Variants in UNC13C observed in about 807,000 individuals in gnomAD.
The protein encoded by UNC13C is protein unc-13 homolog C.
A neutral mutation model predicts 245.4 loss-of-function variants in UNC13C; 174 were observed. The observed-to-expected ratio is 0.71, with a 90% CI of 0.63 to 0.80. UNC13C has a LOEUF of 0.80. UNC13C is among the 30% of genes least tolerant of loss of function. The pLI is 0.00. For synonymous variants in UNC13C, 992 were observed against 895.1 expected (o/e 1.11, Z -1.93); for missense variants, 2,829 against 2,602.9 (o/e 1.09, Z -1.89).
intron 7 of UNC13C, among the ~76,000 whole-genome samples, chr15:54,247,146 T>C (rs1055734309): frequency 1.3e-5 from 2 of 152,178 alleles, no homozygotes; most frequent in African/African-American, 4.8e-5. Context: ...GCCCTTAGTG[T>C]TACTTTTCTG....
chr15:54,241,123 G>A (rs1159867253), intron 7 of UNC13C, among the ~76,000 whole-genome samples: 1 of 152,140 alleles, frequency 6.6e-6, no homozygotes, highest in Non-Finnish European at 1.5e-5. Flanking sequence ...CTCAGATGAG[G>A]TTTATGGGAA....
chr15:54,406,112 C>T (rs1397693382), intron 18 of UNC13C, among the ~76,000 whole-genome samples: 1 of 152,028 alleles, frequency 6.6e-6, no homozygotes, highest in East Asian at 1.9e-4. Context: ...CTTTATATGA[C>T]ACGGGAGACT....
chr15:54,358,094 A>G (rs374805753), intron 17 of UNC13C, among the ~76,000 whole-genome samples: 2 of 152,014 alleles, frequency 1.3e-5, no homozygotes, highest in South Asian at 2.1e-4. Context: ...CCCGGTGTAT[A>G]TTCTTTCCAA....
At chr15:54,403,953 G>A (rs970900357) in intron 18 of UNC13C, among the ~76,000 whole-genome samples, 2 of 151,984 alleles carry the variant, frequency 1.3e-5, no homozygotes, top group South Asian at 2.1e-4. Context: ...AATTCGTAAG[G>A]ATGGCTTGTA....
intron 30 of UNC13C, among the ~76,000 whole-genome samples, chr15:54,598,987 TATA>T (rs2141268225): frequency 1.3e-5 from 2 of 152,284 alleles, no homozygotes; most frequent in East Asian, 3.9e-4. Context: ...GGTAAAATAA[TATA>T]ATAAAAAGCT....
intron 27 of UNC13C, 104 bp from the exon 28 acceptor site, chr15:54,549,531 T>G: frequency 1.2e-6 from 1 of 865,082 alleles, no homozygotes; most frequent in Non-Finnish European, 1.8e-6. Context: ...AAGCCATAAG[T>G]CTTATAAGGG....
intron 4 of UNC13C, among the ~76,000 whole-genome samples, chr15:54,183,436 C>A (rs1468024448): frequency 6.6e-6 from 1 of 151,110 alleles, no homozygotes; most frequent in Non-Finnish European, 1.5e-5. Flanking sequence ...CTTGTCTTTG[C>A]AAAGCAAAAG....
At chr15:54,012,058 G>C (rs1442169350) in intron 1 of UNC13C, among the ~76,000 whole-genome samples, 1 of 152,128 alleles carries the variant, frequency 6.6e-6, no homozygotes, top group Non-Finnish European at 1.5e-5. Context: ...ACTAATATGA[G>C]GCCCTGTGCT....
Position 54,567,834 on chromosome 15 carries a change from A to G in UNC13C, c.5993A>G (p.Lys1998Arg), listed in dbSNP as rs2141216823. ...CATGCAGGAGGAAATGGCCTGAAAA[A>G]GAATTTCTTGGAGAAAAGCCCAGAT... is the stretch of plus-strand genomic sequence containing the variant. ...YFHAGGNGLK[K>R]NFLEKSPDLQ... The change falls in exon 30 of 33, where the codon AAG becomes AGG. Residue 1998 changes from lysine (K) to arginine (R), a missense_variant. Lys to Arg is a conservative substitution (Grantham distance 26). Transcript: ENST00000260323. The G allele has an allele frequency of 6.2e-7, 1 of 1,605,398 alleles. No homozygotes were observed. Among genetic ancestry groups the G allele is most frequent in the East Asian group, 2.2e-5 (1 of 44,606 alleles).
intron 2 of UNC13C, among the ~76,000 whole-genome samples, chr15:54,139,432 A>G (rs982374462): frequency 2.6e-5 from 4 of 152,292 alleles, no homozygotes; most frequent in East Asian, 1.9e-4. Flanking sequence ...GTAGGACACA[A>G]TTCAACCCAT....
chr15:54,313,607 A>G (rs2037930584), intron 13 of UNC13C, among the ~76,000 whole-genome samples: 1 of 151,820 alleles, frequency 6.6e-6, no homozygotes, highest in African/African-American at 2.4e-5. Context: ...AAAACTGCAT[A>G]ACCTTTAAAG....
chr15:54,546,709 ATT>A lies in UNC13C; in HGVS notation c.5697-5_5697-4del, dbSNP rs746243767. 652 of 1,369,040 alleles carry A rather than the reference ATT, an allele frequency of 4.8e-4. 1 individual carries two copies. The highest frequency in any genetic ancestry group is 2.1e-3 in the African/African-American group (133 of 63,918). The allele number at this position is 1,369,040 out of a possible 1,614,324, so 84.8% of individuals were successfully genotyped here. On this transcript the variant is annotated splice_polypyrimidine_tract_variant and intron_variant, in intron 26 of 32. Transcript: ENST00000260323. ...AATTTAAAAGTGAATATATATATAT[ATT>A]TTTTTTTCAGATTAAGTCTCTCAGC... is the stretch of plus-strand genomic sequence containing the variant.
At chr15:54,314,838 G>A (rs2037969673) in intron 13 of UNC13C, among the ~76,000 whole-genome samples, 1 of 151,702 alleles carries the variant, frequency 6.6e-6, no homozygotes, top group South Asian at 2.1e-4. Flanking sequence ...GCTGAAAATT[G>A]TTTTGTTAGG....
chr15:54,475,023 A>C (rs59189476), intron 19 of UNC13C, among the ~76,000 whole-genome samples: 11,918 of 151,974 alleles, frequency 0.078, 542 homozygotes, highest in African/African-American at 0.12. Flanking sequence ...TGACTCAAAC[A>C]CCTCCTATTA....
chr15:53,979,389 G>T (rs929202965), intron 1 of UNC13C, among the ~76,000 whole-genome samples: 2 of 152,200 alleles, frequency 1.3e-5, no homozygotes, highest in African/African-American at 4.8e-5. Flanking sequence ...TGAAGCAAAA[G>T]AAGCTTTACC....
intron 19 of UNC13C, among the ~76,000 whole-genome samples, chr15:54,467,405 T>A (rs985417773): frequency 7.2e-5 from 11 of 151,762 alleles, no homozygotes; most frequent in Non-Finnish European, 1.3e-4. Context: ...TCTTTTTTTT[T>A]ACAAGATTTT....
At chr15:54,119,208 G>T (rs2030493113) in intron 2 of UNC13C, among the ~76,000 whole-genome samples, 1 of 152,024 alleles carries the variant, frequency 6.6e-6, no homozygotes, top group African/African-American at 2.4e-5. Flanking sequence ...GAAAGATATT[G>T]CGTTTTTTTA....
At chr15:54,495,348 G>A (rs1332690322) in intron 20 of UNC13C, among the ~76,000 whole-genome samples, 1 of 152,022 alleles carries the variant, frequency 6.6e-6, no homozygotes, top group Non-Finnish European at 1.5e-5. Flanking sequence ...TATACTCTAG[G>A]AGATGCTGAT....
At chr15:53,852,877 A>G in the UNC13C span, among the ~76,000 whole-genome samples, 45 of 152,246 alleles carry the variant, frequency 3.0e-4, no homozygotes, top group African/African-American at 1.0e-3. Flanking sequence ...TTGGGTAGCT[A>G]ATGGTGAAAG....
Sources: allele counts gnomAD v4.1 joint callset (sites outside exome capture counted in the v4.1 genomes callset), GRCh38; gene constraint gnomAD v4.1.1; transcripts MANE v1.5; gene names NCBI Gene and HGNC (gene_info 2026-07-23, HGNC 2026-07-21).